Variants in OR1J2 observed in about 807,000 individuals in gnomAD.
OR1J2 encodes the protein olfactory receptor 1J2.
For missense variants in OR1J2, 304 were observed against 246.1 expected (o/e 1.24, Z -1.57); for synonymous variants, 142 against 99.7 (o/e 1.42, Z -2.52).
At chr9:122,504,920 C>T in the OR1J2 span, among the ~76,000 whole-genome samples, 1 of 152,132 alleles carries the variant, frequency 6.6e-6, no homozygotes, top group African/African-American at 2.4e-5. Flanking sequence ...CTTCCCAGAG[C>T]ATCCAGTTCC....
chr9:122,474,247 T>A, the OR1J2 span, among the ~76,000 whole-genome samples: 1 of 152,252 alleles, frequency 6.6e-6, no homozygotes, highest in East Asian at 1.9e-4. Context: ...CAAAATAATG[T>A]TGGCCCAGCA....
chr9:122,511,659 C>A lies in OR1J2; in HGVS notation c.858C>A (p.Asn286Lys). 1.3e-6 allele frequency: 1 copy of A among 780,994 alleles called. No homozygotes were observed. The highest frequency in any genetic ancestry group is 2.4e-6 in the Non-Finnish European group (1 of 418,120). The allele number at this position is 780,994 out of a possible 1,614,324, so 48.4% of individuals were successfully genotyped here. A position where few individuals can be genotyped will look rare whatever the true frequency, so the allele number is the denominator to read the frequency against. The change falls in exon 1 of 1, where the codon AAC (asparagine) becomes AAA (lysine). Residue 286 changes from asparagine (N) to lysine (K), a missense_variant. Physicochemically the swap from Asn to Lys is moderately conservative, Grantham distance 94. Transcript: ENST00000335302. ...ACACGGTGGTCACACCCATGTTGAA[C>A]CCCTTTATCTACAGCCTTAGGAACA... ...LMYTVVTPML[N>K]PFIYSLRNRD...
At chr9:122,494,106 G>A in the OR1J2 span, among the ~76,000 whole-genome samples, 1 of 152,214 alleles carries the variant, frequency 6.6e-6, no homozygotes, top group Non-Finnish European at 1.5e-5. Context: ...CCTATTGTAT[G>A]GTCTATTGGG....
chr9:122,526,374 C>T, the OR1J2 span: 2 of 1,501,910 alleles, frequency 1.3e-6, no homozygotes, highest in Non-Finnish European at 1.8e-6. Flanking sequence ...GGAAACAATA[C>T]TCCTGTGACT....
the OR1J2 span, among the ~76,000 whole-genome samples, chr9:122,544,664 C>T: frequency 1.3e-5 from 2 of 152,024 alleles, no homozygotes; most frequent in Admixed American, 1.3e-4. Context: ...AGGGATCTGC[C>T]CTCCTCGGCC....
At chr9:122,570,917 C>T in the OR1J2 span, among the ~76,000 whole-genome samples, 8 of 152,218 alleles carry the variant, frequency 5.3e-5, no homozygotes, top group East Asian at 1.5e-3. Flanking sequence ...TTACTGTTGC[C>T]ATTTTTACAT....
the OR1J2 span, among the ~76,000 whole-genome samples, chr9:122,459,473 T>G: frequency 6.6e-6 from 1 of 152,236 alleles, no homozygotes; most frequent in Admixed American, 6.5e-5. Flanking sequence ...TATTCACCAA[T>G]GAACCAGTGA....
chr9:122,527,775 C>T, the OR1J2 span, among the ~76,000 whole-genome samples: 5 of 152,098 alleles, frequency 3.3e-5, no homozygotes, highest in African/African-American at 2.4e-5. Flanking sequence ...AAAGAAAATA[C>T]GAAGTCCTGC....
At chr9:122,476,969 A>G in the OR1J2 span, 6 of 1,404,448 alleles carry the variant, frequency 4.3e-6, no homozygotes, top group South Asian at 1.2e-5. Flanking sequence ...CAGCCTCCCA[A>G]AGTGTTGAGA....
the OR1J2 span, chr9:122,477,238 G>T: frequency 6.2e-7 from 1 of 1,614,010 alleles, no homozygotes; most frequent in South Asian, 1.1e-5. Context: ...GCCCTTGGTA[G>T]AGGGAATCTG....
chr9:122,525,905 C>T, the OR1J2 span, among the ~76,000 whole-genome samples: 2,709 of 152,144 alleles, frequency 0.018, 73 homozygotes, highest in African/African-American at 0.061. Flanking sequence ...TTTTAATGAT[C>T]GACAAATTAA....
chr9:122,519,002 G>T, the OR1J2 span: 1 of 635,838 alleles, frequency 1.6e-6, no homozygotes, highest in Non-Finnish European at 2.8e-6. Flanking sequence ...TTTTTTGTAG[G>T]GACATAGCAA....
At chr9:122,528,703 G>T in the OR1J2 span, among the ~76,000 whole-genome samples, 1 of 152,160 alleles carries the variant, frequency 6.6e-6, no homozygotes, top group African/African-American at 2.4e-5. Flanking sequence ...AACTAAAACT[G>T]AAGGCTTCTC....
At chr9:122,540,016 C>T in the OR1J2 span, among the ~76,000 whole-genome samples, 1 of 152,074 alleles carries the variant, frequency 6.6e-6, no homozygotes, top group South Asian at 2.1e-4. Context: ...TGGATATTAG[C>T]CCTCTGTCAG....
At chr9:122,469,840 A>G in the OR1J2 span, among the ~76,000 whole-genome samples, 1 of 152,174 alleles carries the variant, frequency 6.6e-6, no homozygotes, top group African/African-American at 2.4e-5. Flanking sequence ...GACTGGCAGC[A>G]TTTTGCCTCT....
chr9:122,479,345 G>C, the OR1J2 span, among the ~76,000 whole-genome samples: 1 of 152,176 alleles, frequency 6.6e-6, no homozygotes, highest in Non-Finnish European at 1.5e-5. Flanking sequence ...TCAAGCCAGA[G>C]TAAGTAAAAT....
the OR1J2 span, chr9:122,520,156 C>A: frequency 3.8e-5 from 42 of 1,096,852 alleles, no homozygotes; most frequent in Non-Finnish European, 5.0e-5. Context: ...CTGATCCCAG[C>A]AAGGGATAAG....
At chr9:122,508,131 A>G (rs1293355346), upstream of OR1J2, among the ~76,000 whole-genome samples, 5 of 144,962 alleles carry the variant, frequency 3.4e-5, no homozygotes, top group African/African-American at 1.1e-4. Flanking sequence ...AGGGGGGGAG[A>G]GAGAGAGAGG....
the OR1J2 span, among the ~76,000 whole-genome samples, chr9:122,454,759 C>T: frequency 3.0e-4 from 46 of 152,138 alleles, no homozygotes; most frequent in Admixed American, 1.7e-3. Flanking sequence ...AGGGGAGGGA[C>T]GCATCACCTA....
Sources: gnomAD v4.1 joint callset for allele counts (sites outside exome capture counted in the v4.1 genomes callset) on GRCh38, gnomAD v4.1.1 for gene constraint, MANE v1.5 for transcripts, NCBI Gene and HGNC (gene_info 2026-07-23, HGNC 2026-07-21) for gene names.